Variants in NFIA observed in about 807,000 individuals in gnomAD.
NFIA encodes nuclear factor 1 A-type.
In NFIA, 8 loss-of-function variants were observed where a neutral mutation model predicts 62.8. The ratio of observed to expected loss-of-function variants is 0.13; its 90% CI spans 0.07 to 0.23. The LOEUF (loss-of-function observed/expected upper bound fraction) is 0.23. Among genes scored for constraint, NFIA ranks in the 10% least tolerant of loss-of-function variants. The probability of loss-of-function intolerance (pLI) is 1.00; values close to 1 mark genes in which losing one functional copy is unlikely to be tolerated. For missense variants in NFIA, 410 were observed against 642.1 expected, an observed-to-expected ratio of 0.64 and a Z score of 3.91; for synonymous variants, 235 against 238.1, an observed-to-expected ratio of 0.99 and a Z score of 0.12.
intron 2 of NFIA, among the ~76,000 whole-genome samples, chr1:61,111,270 C>T (rs1418980447): frequency 6.6e-6 from 1 of 152,102 alleles, no homozygotes; most frequent in African/African-American, 2.4e-5. Context: ...TTTCCTATAA[C>T]AATAACTGCC....
chr1:61,165,842 A>G (rs1235432657), intron 2 of NFIA, among the ~76,000 whole-genome samples: 6 of 152,170 alleles, frequency 3.9e-5, no homozygotes, highest in African/African-American at 1.2e-4. Context: ...ACCTAAAAGC[A>G]TGGGAACTTT....
At chr1:61,362,507 A>C (rs1663352207) in intron 6 of NFIA, among the ~76,000 whole-genome samples, 1 of 152,200 alleles carries the variant, frequency 6.6e-6, no homozygotes, top group South Asian at 2.1e-4. Context: ...AGAGGGCCAA[A>C]GGTTGCCAGA....
intron 2 of NFIA, among the ~76,000 whole-genome samples, chr1:61,224,747 T>G (rs981290194): frequency 6.6e-6 from 1 of 152,106 alleles, no homozygotes; most frequent in African/African-American, 2.4e-5. Flanking sequence ...CCATTGCAAT[T>G]TACTCTAAGT....
At chr1:61,182,801 G>C (rs1331913918) in intron 2 of NFIA, among the ~76,000 whole-genome samples, 1 of 152,022 alleles carries the variant, frequency 6.6e-6, no homozygotes, top group Non-Finnish European at 1.5e-5. Context: ...GCAGCATTAG[G>C]GAAAAGTTTA....
chr1:61,370,061 G>A (rs960845241), intron 6 of NFIA, among the ~76,000 whole-genome samples: 1 of 152,146 alleles, frequency 6.6e-6, no homozygotes, highest in African/African-American at 2.4e-5. Flanking sequence ...GGGGAGAGAG[G>A]GAAGAAATAA....
chr1:61,243,560 CT>C (rs905363900), intron 2 of NFIA, among the ~76,000 whole-genome samples: 59 of 151,988 alleles, frequency 3.9e-4, no homozygotes, highest in African/African-American at 1.3e-3. Flanking sequence ...TGTTTTTTTT[CT>C]ATTACATATT....
rs148357446 is a variant in NFIA at position 61,178,634 on chromosome 1, C to T, written c.559+89954C>T. On this transcript the variant is annotated intron_variant, in intron 2 of 10. Transcript: ENST00000403491. ...CTGCAGCCTTATTGGAAGTCATCCA[C>T]TTGTTTAAAAGGATGATGCATACTC... Among the ~76,000 whole-genome samples, 504 of 152,306 alleles carry T rather than the reference C, an allele frequency of 3.3e-3. 6 individuals carry two copies. Among genetic ancestry groups the T allele is most frequent in the Middle Eastern group, 0.014 (4 of 294 alleles).
In NFIA at chr1:61,252,032, G is replaced by A. The variant is rs1330058155; in HGVS notation, c.560-25488G>A. 3.3e-5 allele frequency among the ~76,000 whole-genome samples: 5 copies of A among 152,206 alleles called. No individual in the cohort carries two copies. In the East Asian group the frequency reaches 5.8e-4, roughly 18 times the overall value. On this transcript the variant is annotated intron_variant, in intron 2 of 10. Transcript: ENST00000403491. ...AATTACTTTTTGATATTAGAAATTA[G>A]AGCTATACCAGAATGCTGGGAAAGA...
At chr1:61,254,266 T>C (rs1317297687) in intron 2 of NFIA, among the ~76,000 whole-genome samples, 5 of 152,260 alleles carry the variant, frequency 3.3e-5, no homozygotes, top group Non-Finnish European at 7.3e-5. Context: ...AACTGTAGAC[T>C]ATAATTATGT....
At chr1:61,345,819 C>G (rs968404561) in intron 4 of NFIA, among the ~76,000 whole-genome samples, 4 of 152,090 alleles carry the variant, frequency 2.6e-5, no homozygotes, top group African/African-American at 9.7e-5. Flanking sequence ...TCTCTGGTGC[C>G]AAAAAGGTTG....
chr1:61,082,612 A>T lies in NFIA; in HGVS notation c.-180A>T. The T allele has an allele frequency of 6.7e-7, 1 of 1,495,714 alleles. No homozygotes were observed. The highest frequency in any genetic ancestry group is 8.9e-7 in the Non-Finnish European group (1 of 1,117,640). 92.7% of individuals were successfully genotyped at this position (1,495,714 alleles called of 1,614,324 possible). On this transcript the variant is annotated 5_prime_UTR_variant, in exon 1 of 11. Coordinates refer to ENST00000403491, the MANE Select transcript of NFIA (RefSeq NM_001134673.4). ...GCAATAGCGCTGGCTGGCTGGCTGC[A>T]GTTGAGCCGACTTGGAAATGTGAAC...
At chr1:61,185,034 T>A (rs948779188) in intron 2 of NFIA, among the ~76,000 whole-genome samples, 3 of 152,230 alleles carry the variant, frequency 2.0e-5, no homozygotes, top group African/African-American at 7.2e-5. Flanking sequence ...TTAAACACTT[T>A]TAAAAGGTTT....
chr1:61,087,013 ATTAG>A (rs1450289747), intron 1 of NFIA, among the ~76,000 whole-genome samples: 2 of 152,168 alleles, frequency 1.3e-5, no homozygotes, highest in South Asian at 2.1e-4. Context: ...AACAGTGTGG[ATTAG>A]TTAATCAAAA....
chr1:61,210,478 G>A (rs1292611285), intron 2 of NFIA, among the ~76,000 whole-genome samples: 7 of 152,198 alleles, frequency 4.6e-5, no homozygotes, highest in African/African-American at 1.7e-4. Flanking sequence ...ATGAGAGGAT[G>A]TAAGATCCTT....
At chr1:61,181,801 A>C (rs1380266748) in intron 2 of NFIA, among the ~76,000 whole-genome samples, 1 of 152,220 alleles carries the variant, frequency 6.6e-6, no homozygotes, top group African/African-American at 2.4e-5. Context: ...ATTTCCATAG[A>C]AATTGGGCTG....
rs150550113 is a variant in NFIA at position 61,359,695 on chromosome 1, C to T, written c.946+421C>T. ...TCCCTGGTTCCTCCTTCTTCTGCCT[C>T]AGCCTCCCGAGTAGCTGGGATTACA... On this transcript the variant is annotated intron_variant, in intron 6 of 10. Coordinates refer to ENST00000403491, the MANE Select transcript of NFIA (RefSeq NM_001134673.4). Among the ~76,000 whole-genome samples the T allele has an allele frequency of 2.4e-3, 358 of 152,294 alleles. 1 individual carries two copies. Among genetic ancestry groups the T allele is most frequent in the African/African-American group, 8.2e-3 (341 of 41,562 alleles).
chr1:61,117,701 A>G (rs1167682687), intron 2 of NFIA, among the ~76,000 whole-genome samples: 1 of 152,188 alleles, frequency 6.6e-6, no homozygotes, highest in Non-Finnish European at 1.5e-5. Context: ...TGGTGTCCTG[A>G]CAGACTGCAG....
chr1:61,410,979 T>C (rs1666072214), intron 9 of NFIA, among the ~76,000 whole-genome samples: 1 of 152,104 alleles, frequency 6.6e-6, no homozygotes, highest in African/African-American at 2.4e-5. Context: ...TTATCAGCTT[T>C]TCTAGACCTC....
At position 61,088,806 on chromosome 1, in the gene NFIA, T is replaced by C; in HGVS notation, c.559+126T>C. ...GGCCACGTACATGAAGCCAGTGTGG[T>C]TTCAAAGATTGAGAGAGGTGCCACC... On this transcript the variant is annotated intron_variant, in intron 2 of 10. Transcript: ENST00000403491. The surrounding 1 kb of genome is among the most constrained non-coding windows in gnomAD (Gnocchi z 4.5). The C allele has an allele frequency of 8.9e-7, 1 of 1,127,474 alleles. No individual in the cohort carries two copies. Among genetic ancestry groups the C allele is most frequent in the Non-Finnish European group, 1.2e-6 (1 of 803,178 alleles). The allele number at this position is 1,127,474 out of a possible 1,614,324, so 69.8% of individuals were successfully genotyped here.
Sources: allele counts gnomAD v4.1 joint callset (sites outside exome capture counted in the v4.1 genomes callset), GRCh38; gene constraint gnomAD v4.1.1; non-coding constraint Gnocchi (gnomAD v3.1); transcripts MANE v1.5; gene names NCBI Gene and HGNC (gene_info 2026-07-23, HGNC 2026-07-21).